DOCK9: variants seen among roughly 807,000 people sequenced by gnomAD.
DOCK9 encodes the protein dedicator of cytokinesis 9.
DOCK9 carries 89 observed loss-of-function variants against 263.3 expected under a neutral mutation model. That is an observed-to-expected ratio of 0.34 (90% CI 0.28 to 0.40). The LOEUF is 0.40. Among genes scored for constraint, DOCK9 ranks in the 10% least tolerant of loss-of-function variants. The pLI is 1.00. For missense variants in DOCK9, 2,140 were observed against 2,603.4 expected, an observed-to-expected ratio of 0.82 and a Z score of 3.87; for synonymous variants, 976 against 973.1, an observed-to-expected ratio of 1.00 and a Z score of -0.06.
At chr13:99,003,384 C>A (rs773599866) in intron 1 of DOCK9, among the ~76,000 whole-genome samples, 4 of 152,220 alleles carry the variant, frequency 2.6e-5, no homozygotes, top group Non-Finnish European at 5.9e-5. Flanking sequence ...GGGCCCTTGG[C>A]TCTTTGCCTT....
At chr13:98,956,676 G>A (rs1366301186) in intron 1 of DOCK9, among the ~76,000 whole-genome samples, 1 of 152,114 alleles carries the variant, frequency 6.6e-6, no homozygotes, top group Non-Finnish European at 1.5e-5. Context: ...GAACTGGGGA[G>A]GCGGAGGTTG....
At chr13:99,015,276 CACAT>C (rs1184105209) in intron 1 of DOCK9, among the ~76,000 whole-genome samples, 2 of 152,210 alleles carry the variant, frequency 1.3e-5, no homozygotes. Flanking sequence ...GGCATTCTCA[CACAT>C]ACAAACACTC....
intron 1 of DOCK9, among the ~76,000 whole-genome samples, chr13:98,966,134 T>C (rs2059165072): frequency 6.6e-6 from 1 of 152,178 alleles, no homozygotes; most frequent in Non-Finnish European, 1.5e-5. Context: ...AGAATGTCAA[T>C]GAGGAGAGGA....
At chr13:98,945,807 G>T (rs1425084220) in intron 2 of DOCK9, among the ~76,000 whole-genome samples, 1 of 152,220 alleles carries the variant, frequency 6.6e-6, no homozygotes. Flanking sequence ...GCCTCCTGGA[G>T]TTTACATAAG....
chr13:98,966,200 T>G lies in DOCK9; in HGVS notation c.127-10649A>C, dbSNP rs548927527. On this transcript the variant is annotated intron_variant, in intron 1 of 52. Coordinates refer to ENST00000682017, the MANE Select transcript of DOCK9 (RefSeq NM_001366683.2). Reference sequence around the variant, plus strand: ...CATGTCCTGTGCCCGGGGAGTCACATGAGGAGAGAGCTAGGTGGAACGGGA... The same window carrying G: ...CATGTCCTGTGCCCGGGGAGTCACAGGAGGAGAGAGCTAGGTGGAACGGGA... Among the ~76,000 whole-genome samples, 233 of 152,298 alleles carry G rather than the reference T, an allele frequency of 1.5e-3. 8 individuals are homozygous for G. The South Asian group carries it at 0.048, about 31-fold the overall frequency.
At chr13:98,958,050 T>C (rs560893982) in intron 1 of DOCK9, among the ~76,000 whole-genome samples, 3 of 152,270 alleles carry the variant, frequency 2.0e-5, no homozygotes, top group African/African-American at 7.2e-5. Context: ...AAGGCAGAGG[T>C]GCATTGTGAG....
intron 1 of DOCK9, among the ~76,000 whole-genome samples, chr13:98,998,423 G>A (rs995035565): frequency 4.6e-5 from 7 of 152,272 alleles, no homozygotes; most frequent in African/African-American, 9.6e-5. Flanking sequence ...TGGAGCACTC[G>A]AAAATCCTTT....
chr13:98,923,630 G>A (rs1025009098), intron 4 of DOCK9, among the ~76,000 whole-genome samples: 2 of 152,158 alleles, frequency 1.3e-5, no homozygotes, highest in African/African-American at 2.4e-5. Flanking sequence ...CTAAAAATAA[G>A]AAAGTGGATT....
chr13:98,809,576 C>A (rs1243132912), intron 46 of DOCK9, 111 bp from the exon 47 acceptor site: 4 of 759,716 alleles, frequency 5.3e-6, no homozygotes, highest in African/African-American at 3.6e-5. Context: ...AATAAAAATA[C>A]ACACACACAC....
intron 1 of DOCK9, among the ~76,000 whole-genome samples, chr13:98,974,276 A>G (rs1272163833): frequency 4.6e-5 from 7 of 152,008 alleles, no homozygotes; most frequent in Non-Finnish European, 7.4e-5. Context: ...CTAGCCCCCA[A>G]AGCCATTTCT....
At chr13:98,912,929 G>A in intron 9 of DOCK9, among the ~76,000 whole-genome samples, 1 of 152,036 alleles carries the variant, frequency 6.6e-6, no homozygotes, top group Non-Finnish European at 1.5e-5. Context: ...CAAACATCCA[G>A]AAACAAAAAA....
intron 9 of DOCK9, among the ~76,000 whole-genome samples, chr13:98,906,522 T>C (rs2139627065): frequency 6.6e-6 from 1 of 152,318 alleles, no homozygotes; most frequent in South Asian, 2.1e-4. Flanking sequence ...GTTAAGTCTA[T>C]GGAGTCGGAA....
At chr13:98,826,017 CT>C in intron 44 of DOCK9, 1 of 1,271,328 alleles carries the variant, frequency 7.9e-7, no homozygotes, top group Non-Finnish European at 1.0e-6. Flanking sequence ...ACATGGAGCC[CT>C]TTCAAAATTT....
chr13:98,858,907 T>G (rs1449006024), intron 33 of DOCK9: 1 of 152,182 alleles, frequency 6.6e-6, no homozygotes, highest in African/African-American at 2.4e-5. Flanking sequence ...TAAAACTTTG[T>G]GGAAATGATC....
intron 2 of DOCK9, among the ~76,000 whole-genome samples, chr13:98,950,872 A>G (rs1238598778): frequency 1.3e-5 from 2 of 152,218 alleles, no homozygotes; most frequent in Admixed American, 6.5e-5. Context: ...CAACAGGACC[A>G]TCTGGTAAAA....
chr13:98,882,221 C>G (rs991812793), intron 23 of DOCK9, among the ~76,000 whole-genome samples: 1 of 151,934 alleles, frequency 6.6e-6, no homozygotes, highest in Non-Finnish European at 1.5e-5. Flanking sequence ...CTAGTCAGGC[C>G]TTATGATAGG....
At chr13:98,963,873 C>G (rs1364537068) in intron 1 of DOCK9, among the ~76,000 whole-genome samples, 1 of 152,238 alleles carries the variant, frequency 6.6e-6, no homozygotes, top group Non-Finnish European at 1.5e-5. Flanking sequence ...ACACACAAGC[C>G]TTCCTGCACT....
At position 98,898,075 on chromosome 13, in the gene DOCK9, A is replaced by G. The variant is rs915936993; in HGVS notation, c.1586+104T>C. On this transcript the variant is annotated intron_variant, in intron 14 of 52. Transcript: ENST00000682017. ...GGGCTTATGTATTTCTCAGTTTTAC[A>G]CATTCAAATCCTCTTTGTCTCTGAA... The G allele has an allele frequency of 5.1e-6, 4 of 786,010 alleles. No individual in the cohort carries two copies. The African/African-American group carries it at 7.0e-5, about 14-fold the overall frequency. 48.7% of individuals were successfully genotyped at this position (786,010 alleles called of 1,614,324 possible).
rs1017805273 is a variant in DOCK9 at position 98,829,864 on chromosome 13, T to TG, written c.4636-109dup. 7 of 897,598 alleles carry TG rather than the reference T, an allele frequency of 7.8e-6. No homozygotes were observed. Among genetic ancestry groups the TG allele is most frequent in the East Asian group, 2.7e-5 (1 of 37,714 alleles). 55.6% of individuals were successfully genotyped at this position (897,598 alleles called of 1,614,324 possible). ...CCTAAGGACCCAGCAAAGTGGGGGTTGGGGGGTGCTTTGAGCAGGGGTCGC... is the reference window on the plus strand; with the variant it reads ...CCTAAGGACCCAGCAAAGTGGGGGTTGGGGGGGTGCTTTGAGCAGGGGTCGC... On this transcript the variant is annotated intron_variant, in intron 41 of 52. Transcript: ENST00000682017. This position sits in a 1 kb window ranked among gnomAD's most constrained non-coding sequence, Gnocchi z 4.1.
Sources: gnomAD v4.1 joint callset for allele counts (sites outside exome capture counted in the v4.1 genomes callset) on GRCh38, gnomAD v4.1.1 for gene constraint, Gnocchi (gnomAD v3.1) non-coding constraint, MANE v1.5 for transcripts, NCBI Gene and HGNC (gene_info 2026-07-23, HGNC 2026-07-21) for gene names.